The following VRK2 variants were observed in gnomAD, a reference collection of about 807,000 sequenced individuals.
VRK2 encodes the protein VRK serine/threonine kinase 2, also known as serine/threonine-protein kinase VRK2.
A neutral mutation model predicts 57.6 loss-of-function variants in VRK2; 60 were observed. The observed-to-expected ratio is 1.04, with a 90% CI of 0.85 to 1.29. The LOEUF (loss-of-function observed/expected upper bound fraction) is 1.29. Among genes scored for constraint, VRK2 ranks in the 50% most tolerant of loss-of-function variants. The pLI, the probability that VRK2 is intolerant of heterozygous loss-of-function variation, is 0.00. For missense variants in VRK2, 705 were observed against 588.1 expected (o/e 1.20, Z -2.06); for synonymous variants, 231 against 199.2 (o/e 1.16, Z -1.35).
chr2:58,130,269 G>A (rs1351977811), intron 8 of VRK2, among the ~76,000 whole-genome samples: 1 of 152,134 alleles, frequency 6.6e-6, no homozygotes, highest in Non-Finnish European at 1.5e-5. Context: ...TTAAGTGATG[G>A]TAATCAGGAA....
intron 1 of VRK2, among the ~76,000 whole-genome samples, chr2:57,956,091 A>C (rs1362201795): frequency 6.6e-6 from 1 of 152,232 alleles, no homozygotes; most frequent in African/African-American, 2.4e-5. Flanking sequence ...AGCACCCTGC[A>C]GCATTAAAAA....
intron 1 of VRK2, among the ~76,000 whole-genome samples, chr2:57,961,963 G>C (rs1671775154): frequency 1.3e-5 from 2 of 152,184 alleles, no homozygotes; most frequent in South Asian, 4.1e-4. Flanking sequence ...TGTAGTCCCA[G>C]CTGCTTGGGA....
chr2:58,007,541 C>G (rs1673285849), intron 1 of VRK2, among the ~76,000 whole-genome samples: 1 of 152,098 alleles, frequency 6.6e-6, no homozygotes, highest in South Asian at 2.1e-4. Context: ...ATATATTTTC[C>G]TCTTATAATT....
rs71394403 is a variant in VRK2, at chr2:57,933,309, C to CTTTTTTTTT, written c.-439+25484_-439+25492dup. ...TGCTATTTCTTATTTCTTTCTTTTT[C>CTTTTTTTTT]TTTTTTTTTTTTTTTTTTTTTTGAG... is the stretch of plus-strand genomic sequence containing the variant. On this transcript the variant is annotated intron_variant, in intron 1 of 15. Coordinates refer to the VRK2 transcript ENST00000417641. Among the ~76,000 whole-genome samples, 154 of 63,296 alleles carry CTTTTTTTTT rather than the reference C, an allele frequency of 2.4e-3. 17 individuals are homozygous for CTTTTTTTTT. Among genetic ancestry groups the CTTTTTTTTT allele is most frequent in the African/African-American group, 8.2e-3 (107 of 13,078 alleles). The allele number at this position is 63,296 out of a possible 152,430, so 41.5% of individuals were successfully genotyped here. A position where few individuals can be genotyped will look rare whatever the true frequency, so the allele number is the denominator to read the frequency against.
chr2:58,143,044 G>C (rs1681570479), intron 11 of VRK2, among the ~76,000 whole-genome samples: 1 of 151,752 alleles, frequency 6.6e-6, no homozygotes, highest in African/African-American at 2.4e-5. Context: ...ATCCAGAGTT[G>C]AATATATTAT....
intron 1 of VRK2, among the ~76,000 whole-genome samples, chr2:57,932,097 T>C (rs963282008): frequency 1.6e-4 from 25 of 152,188 alleles, no homozygotes; most frequent in African/African-American, 5.3e-4. Context: ...TTGCTATAGC[T>C]ATTTATGATC....
In VRK2 at chr2:58,024,272, G is replaced by A. The variant is rs754622387; in HGVS notation, c.-438-1393G>A. Among the ~76,000 whole-genome samples, 96 of 152,202 alleles carry A rather than the reference G, an allele frequency of 6.3e-4. 1 individual carries two copies. Among genetic ancestry groups the A allele is most frequent in the Non-Finnish European group, 2.4e-4 (16 of 68,000 alleles). On this transcript the variant is annotated intron_variant, in intron 1 of 15. Coordinates refer to the VRK2 transcript ENST00000417641. ...GCTGAAATTATAGTTTCTGTGAATC[G>A]GCCTTAGGTTTCACAACCACAATTT... is the stretch of plus-strand genomic sequence containing the variant.
intron 1 of VRK2, among the ~76,000 whole-genome samples, chr2:57,969,821 C>T (rs907717465): frequency 1.3e-5 from 2 of 152,088 alleles, no homozygotes; most frequent in Non-Finnish European, 2.9e-5. Context: ...GCCTTTGGAG[C>T]ACCCTTGCTT....
intron 1 of VRK2, among the ~76,000 whole-genome samples, chr2:58,021,488 T>A: frequency 6.6e-6 from 1 of 152,230 alleles, no homozygotes; most frequent in East Asian, 1.9e-4. Context: ...GACTAAATAT[T>A]TATTGTCTCC....
At chr2:58,133,273 T>G (rs1299009073) in intron 9 of VRK2, among the ~76,000 whole-genome samples, 1 of 152,130 alleles carries the variant, frequency 6.6e-6, no homozygotes, top group Non-Finnish European at 1.5e-5. Context: ...ACATGTATAA[T>G]GCTAATAAAT....
intron 2 of VRK2, among the ~76,000 whole-genome samples, chr2:58,070,781 C>T (rs891476280): frequency 5.9e-5 from 9 of 152,026 alleles, no homozygotes; most frequent in Admixed American, 1.3e-4. Context: ...GTTTTATGTG[C>T]GGATTTTTGT....
intron 12 of VRK2, among the ~76,000 whole-genome samples, chr2:58,155,992 G>T (rs1174309187): frequency 6.6e-6 from 1 of 151,834 alleles, no homozygotes; most frequent in Non-Finnish European, 1.5e-5. Flanking sequence ...CCAGGCTGGG[G>T]TAATAGGAGG....
At chr2:58,157,175 ATTAT>A (rs1388385236) in intron 12 of VRK2, among the ~76,000 whole-genome samples, 1 of 151,888 alleles carries the variant, frequency 6.6e-6, no homozygotes, top group Non-Finnish European at 1.5e-5. Flanking sequence ...TTTGTTTTCT[ATTAT>A]TTATTTATGG....
At chr2:57,988,887 T>C (rs910826645) in intron 1 of VRK2, among the ~76,000 whole-genome samples, 4 of 152,196 alleles carry the variant, frequency 2.6e-5, no homozygotes, top group African/African-American at 9.7e-5. Flanking sequence ...TATATTTCTC[T>C]GGAGAACCCT....
At chr2:57,941,459 A>C (rs146050521) in intron 1 of VRK2, among the ~76,000 whole-genome samples, 33 of 152,340 alleles carry the variant, frequency 2.2e-4, no homozygotes, top group African/African-American at 7.2e-4. Flanking sequence ...TGTGGATTAC[A>C]TTAAGAAAAG....
intron 11 of VRK2, among the ~76,000 whole-genome samples, chr2:58,143,498 T>G (rs1417828188): frequency 6.6e-6 from 1 of 151,970 alleles, no homozygotes. Flanking sequence ...TAGCTAGAAG[T>G]GCCCACGGCA....
At chr2:58,010,934 A>C (rs1034295527) in intron 1 of VRK2, among the ~76,000 whole-genome samples, 14 of 152,302 alleles carry the variant, frequency 9.2e-5, no homozygotes, top group African/African-American at 2.9e-4. Context: ...ATGCTTTTTA[A>C]TATATTAACA....
intron 1 of VRK2, among the ~76,000 whole-genome samples, chr2:57,938,039 C>T (rs958875518): frequency 6.6e-6 from 1 of 151,920 alleles, no homozygotes. Context: ...ACCATATTGG[C>T]CAGGCTGATT....
chr2:57,978,828 G>C (rs1176167618), intron 1 of VRK2, among the ~76,000 whole-genome samples: 1 of 150,434 alleles, frequency 6.6e-6, no homozygotes, highest in Non-Finnish European at 1.5e-5. Context: ...ACAGGCCCTG[G>C]TGTATGTTGT....
Sources: allele counts gnomAD v4.1 joint callset (sites outside exome capture counted in the v4.1 genomes callset), GRCh38; gene constraint gnomAD v4.1.1; transcripts MANE v1.5; gene names NCBI Gene and HGNC (gene_info 2026-07-23, HGNC 2026-07-21).